The following MTRF1L variants were observed in gnomAD, a reference collection of about 807,000 sequenced individuals.
MTRF1L encodes mitochondrial translation release factor 1 like, also known as peptide chain release factor 1-like, mitochondrial.
A neutral mutation model predicts 40.0 loss-of-function variants in MTRF1L; 29 were observed. That is an observed-to-expected ratio of 0.73 (90% CI 0.54 to 0.99). The LOEUF (loss-of-function observed/expected upper bound fraction) is 0.99, where lower values mean the gene tolerates loss of function less well. Ranked by LOEUF, MTRF1L falls within the 50% of genes least tolerant of loss-of-function variation. MTRF1L has a pLI of 0.00. For missense variants in MTRF1L, 412 were observed against 464.5 expected (o/e 0.89, Z 1.04); for synonymous variants, 150 against 175.8 (o/e 0.85, Z 1.16).
intron 5 of MTRF1L, 59 bp downstream of exon 5, chr6:152,992,798 G>A (rs1440734863): frequency 1.6e-6 from 2 of 1,255,558 alleles, no homozygotes; most frequent in Non-Finnish European, 2.3e-6. Flanking sequence ...TGGAAAATTA[G>A]TCATATTATT....
At chr6:153,001,203 T>G (rs1039730644) in intron 1 of MTRF1L, among the ~76,000 whole-genome samples, 2 of 152,206 alleles carry the variant, frequency 1.3e-5, no homozygotes, top group Admixed American at 1.3e-4. Context: ...AATTTTCTAT[T>G]GGCTTCTACA....
chr6:153,002,657 G>A lies in MTRF1L; in HGVS notation c.29C>T (p.Ala10Val), dbSNP rs1227920258. 10 of 1,504,526 alleles carry A rather than the reference G, an allele frequency of 6.6e-6. No homozygotes were observed. The highest frequency in any genetic ancestry group is 8.8e-6 in the Non-Finnish European group (10 of 1,131,000). 93.2% of individuals were successfully genotyped at this position (1,504,526 alleles called of 1,614,324 possible). A position where few individuals can be genotyped will look rare whatever the true frequency, so the allele number is the denominator to read the frequency against. ...GGCCCGGCGGGGCCAGAGCCACCGG[G>A]CAGCGCCCCACAGAACCCGGGACCG... MRSRVLWGA[A>V]RWLWPRRAVG... Residue 10 changes from alanine (A) to valine (V), a missense_variant, in exon 1 of 7, where the codon GCC becomes GTC. Transcript: ENST00000367233.
chr6:152,994,633 G>A lies in MTRF1L; in HGVS notation c.567C>T (p.Ala189=). 5.6e-6 allele frequency: 9 copies of A among 1,614,044 alleles called. No individual in the cohort carries two copies. Among genetic ancestry groups the A allele is most frequent in the Non-Finnish European group, 7.6e-6 (9 of 1,180,004 alleles). ...CTCCTTCAAATTTCATGTGCCTATA[G>A]GCTTCTGAACCCCCAATGCTGGCAG... ...HASASIGGSE[A]YRHMKFEGGV... is the part of the protein sequence containing the mutation. Residue 189 remains alanine (A), a synonymous_variant, in exon 4 of 7, where the codon GCC becomes GCT. Transcript: ENST00000367233.
intron 2 of MTRF1L, among the ~76,000 whole-genome samples, chr6:152,996,238 C>G (rs959963278): frequency 6.6e-6 from 1 of 152,090 alleles, no homozygotes; most frequent in Non-Finnish European, 1.5e-5. Context: ...CTGAATATAC[C>G]TGAGTACACT....
chr6:152,998,708 T>C (rs2129101006), intron 1 of MTRF1L, 79 bp from the exon 2 acceptor site: 1 of 925,430 alleles, frequency 1.1e-6, no homozygotes, highest in Non-Finnish European at 1.6e-6. Flanking sequence ...AATAGTTTTA[T>C]GGTTATTATA....
chr6:153,000,138 A>G (rs920384736), intron 1 of MTRF1L, among the ~76,000 whole-genome samples: 1 of 152,224 alleles, frequency 6.6e-6, no homozygotes, highest in African/African-American at 2.4e-5. Context: ...AATAGGCTCA[A>G]CTTCTTTCAG....
intron 4 of MTRF1L, among the ~76,000 whole-genome samples, chr6:152,993,540 A>T (rs1010802548): frequency 6.6e-6 from 1 of 152,166 alleles, no homozygotes; most frequent in Non-Finnish European, 1.5e-5. Context: ...TGTTTCATGA[A>T]CAACTAAGAA....
Position 152,995,185 on chromosome 6 carries a change from T to C in MTRF1L, c.474A>G (p.Ala158=), listed in dbSNP as rs1370197061. 1.2e-6 allele frequency: 2 copies of C among 1,606,742 alleles called. No homozygotes were observed. Among genetic ancestry groups the C allele is most frequent in the Non-Finnish European group, 1.7e-6 (2 of 1,177,448 alleles). The change falls in exon 3 of 7, where the codon GCA becomes GCG. Residue 158 remains alanine (A), a synonymous_variant. Coordinates refer to ENST00000367233, the MANE Select transcript of MTRF1L (RefSeq NM_019041.7). Reference sequence around the variant, plus strand: ...GGGTTTCAAAATGCCATCTTTTAAATGCAGCATATTGCTGATACATATCAA... The same window carrying C: ...GGGTTTCAAAATGCCATCTTTTAAACGCAGCATATTGCTGATACATATCAA... The part of the protein sequence containing the change: ...EIFDMYQQYA[A]FKRWHFETLE...
In MTRF1L at chr6:152,990,751, G is replaced by C. The variant is rs59443013; in HGVS notation, c.942+434C>G. 8.9e-3 allele frequency among the ~76,000 whole-genome samples: 1,348 copies of C among 152,252 alleles called. 16 individuals are homozygous for C. The highest frequency in any genetic ancestry group is 0.029 in the African/African-American group (1,219 of 41,536). ...CAGCAGGAGAATTGCTTGAACCCAG[G>C]GGGTGGAAGTCGCAGTGAGCTGAGA... On this transcript the variant is annotated intron_variant, in intron 6 of 6. Coordinates refer to ENST00000367233, the MANE Select transcript of MTRF1L (RefSeq NM_019041.7).
rs370250509 is a variant in MTRF1L at position 152,993,012 on chromosome 6, T to C, written c.688-38A>G. On this transcript the variant is annotated intron_variant, in intron 4 of 6. Coordinates refer to ENST00000367233, the MANE Select transcript of MTRF1L (RefSeq NM_019041.7). ...AAAGTTGGGATTTTAAAAGATTACA[T>C]GTATCAACTTTATAAAGGCAAGAGC... The C allele has an allele frequency of 6.4e-5, 96 of 1,509,236 alleles. No homozygotes were observed. The African/African-American group carries it at 9.9e-4, about 16-fold the overall frequency. The allele number at this position is 1,509,236 out of a possible 1,614,324, so 93.5% of individuals were successfully genotyped here. A position where few individuals can be genotyped will look rare whatever the true frequency, so the allele number is the denominator to read the frequency against.
intron 5 of MTRF1L, 184 bp from the exon 6 acceptor site, chr6:152,991,505 T>C (rs1024129777): frequency 2.0e-5 from 13 of 657,912 alleles, no homozygotes; most frequent in African/African-American, 1.7e-4. Flanking sequence ...AAACTGAAAA[T>C]TTAAGTTTTG....
At chr6:152,990,475 A>G (rs992959022) in intron 6 of MTRF1L, 1 of 167,256 alleles carries the variant, frequency 6.0e-6, no homozygotes, top group African/African-American at 2.4e-5. Context: ...TTCCGTGGTA[A>G]CAAGGTGGTG....
At position 152,991,231 on chromosome 6, in the gene MTRF1L, T is replaced by G. The variant is rs779876431; in HGVS notation, c.896A>C (p.His299Pro). The G allele has an allele frequency of 2.5e-6, 4 of 1,586,352 alleles. No homozygotes were observed. The highest frequency in any genetic ancestry group is 2.3e-4 in the Middle Eastern group (1 of 4,388). ...TCTTTTATTTATTTCTTCTTCTAGA[T>G]GCATGCTGTACAGTTTTGCACGTAA... ...TKLRAKLYSM[H>P]LEEEINKRQN... The change falls in exon 6 of 7, where the codon CAT (histidine) becomes CCT (proline). Residue 299 changes from histidine to proline, a missense_variant. Coordinates refer to ENST00000367233, the MANE Select transcript of MTRF1L (RefSeq NM_019041.7).
At chr6:152,991,076 T>A (rs1778493721) in intron 6 of MTRF1L, 109 bp downstream of exon 6, 1 of 698,934 alleles carries the variant, frequency 1.4e-6, no homozygotes, top group Admixed American at 3.5e-5. Context: ...CTTGAATTGT[T>A]TTCAACACAG....
At chr6:152,996,442 A>C (rs1778716599) in intron 2 of MTRF1L, among the ~76,000 whole-genome samples, 1 of 152,212 alleles carries the variant, frequency 6.6e-6, no homozygotes, top group Non-Finnish European at 1.5e-5. Flanking sequence ...TAATTTAGAA[A>C]ATGGGTAAAA....
intron 1 of MTRF1L, among the ~76,000 whole-genome samples, chr6:153,000,453 G>C (rs1778871639): frequency 6.6e-6 from 1 of 152,046 alleles, no homozygotes; most frequent in Non-Finnish European, 1.5e-5. Context: ...AGCTCTAAAG[G>C]GTTTAGAATT....
At chr6:153,001,406 C>G (rs77240300) in intron 1 of MTRF1L, among the ~76,000 whole-genome samples, 1,759 of 152,260 alleles carry the variant, frequency 0.012, 33 homozygotes, top group African/African-American at 0.04. Flanking sequence ...TACTGTATAT[C>G]TCGAGAGCTC....
intron 2 of MTRF1L, among the ~76,000 whole-genome samples, chr6:152,995,738 A>T (rs952801885): frequency 7.2e-5 from 11 of 152,218 alleles, no homozygotes; most frequent in African/African-American, 2.7e-4. Context: ...ACTCAAAACT[A>T]CATTTGTATT....
chr6:152,993,935 G>A (rs1778620481), intron 4 of MTRF1L, among the ~76,000 whole-genome samples: 1 of 152,160 alleles, frequency 6.6e-6, no homozygotes, highest in Non-Finnish European at 1.5e-5. Flanking sequence ...CCTTCTCAAA[G>A]CATTCACACT....
Sources: gnomAD v4.1 joint callset for allele counts (sites outside exome capture counted in the v4.1 genomes callset) on GRCh38, gnomAD v4.1.1 for gene constraint, MANE v1.5 for transcripts, NCBI Gene and HGNC (gene_info 2026-07-23, HGNC 2026-07-21) for gene names.